Variants in MRPL30 observed in about 807,000 individuals in gnomAD.
MRPL30 encodes the protein large ribosomal subunit protein uL30m.
In MRPL30, 10 loss-of-function variants were observed where a neutral mutation model predicts 17.2. The observed-to-expected ratio is 0.58, with a 90% confidence interval of 0.36 to 0.99. MRPL30 has a LOEUF of 0.99. Ranked by LOEUF, MRPL30 falls within the 50% of genes least tolerant of loss-of-function variation. MRPL30 has a pLI of 0.01. For missense variants in MRPL30, 170 were observed against 189.8 expected (o/e 0.90, Z 0.61); for synonymous variants, 61 against 62.1 (o/e 0.98, Z 0.08).
intron 2 of MRPL30, 91 bp from the exon 3 acceptor site, chr2:99,188,086 T>G: frequency 1.1e-6 from 1 of 899,510 alleles, no homozygotes; most frequent in Non-Finnish European, 1.7e-6. Flanking sequence ...TAGGGTAGGT[T>G]GGAACAGACT....
At chr2:99,184,243 A>G (rs1275536710) in intron 1 of MRPL30, among the ~76,000 whole-genome samples, 1 of 152,158 alleles carries the variant, frequency 6.6e-6, no homozygotes, top group African/African-American at 2.4e-5. Context: ...TAGCATTACA[A>G]AGTGCTCCAG....
Position 99,195,846 on chromosome 2 carries a change from C to G in MRPL30, c.*141C>G. The G allele has an allele frequency of 8.1e-7, 1 of 1,239,320 alleles. No individual in the cohort carries two copies. The highest frequency in any genetic ancestry group is 1.1e-6 in the Non-Finnish European group (1 of 911,348). 76.8% of individuals were successfully genotyped at this position (1,239,320 alleles called of 1,614,324 possible). On this transcript the variant is annotated 3_prime_UTR_variant, in exon 6 of 6. Transcript: ENST00000338148. ...CCTGTAATCCCAGCACTTTGGGAGG[C>G]CAAGGCGGGCAGATCACCTGAGGTC...
rs1178462495 is a variant in MRPL30 at position 99,197,909 on chromosome 2, G to A, written c.*2204G>A. 6.6e-6 allele frequency among the ~76,000 whole-genome samples: 1 copy of A among 152,104 alleles called. No individual in the cohort carries two copies. The highest frequency in any genetic ancestry group is 1.5e-5 in the Non-Finnish European group (1 of 68,040). On this transcript the variant is annotated 3_prime_UTR_variant, in exon 6 of 6. Coordinates refer to ENST00000338148, the MANE Select transcript of MRPL30 (RefSeq NM_145212.4). ...TTCTCCTGCCTCAGCCTCCCAAAGT[G>A]CTGGGAATACAGGTGTGAGCCACCA...
At chr2:99,195,349 G>A (rs560389961) in intron 5 of MRPL30, 160 bp downstream of exon 5, 11 of 760,706 alleles carry the variant, frequency 1.4e-5, no homozygotes, top group African/African-American at 7.3e-5. Context: ...CATATTTATG[G>A]GGTACATAGT....
chr2:99,181,479 C>T (rs1054726855), intron 1 of MRPL30, among the ~76,000 whole-genome samples: 9 of 152,148 alleles, frequency 5.9e-5, no homozygotes, highest in Non-Finnish European at 1.3e-4. Flanking sequence ...TTTTTGTGCC[C>T]AGACTCTTGG....
In MRPL30 at chr2:99,195,704, A is replaced by G. The variant is rs1357844036; in HGVS notation, c.485A>G (p.Ter162=). 6.2e-7 allele frequency: 1 copy of G among 1,611,824 alleles called. No homozygotes were observed. ...KPVEQKAHES[*] ...GTGGAGCAGAAAGCACATGAGTCCT[A>G]ATGCCCCAGCAGCTTCCGATTGGAA... Residue 162 remains the stop codon, a stop_retained_variant, in exon 6 of 6, where the codon TAA becomes TGA. Transcript: ENST00000338148.
rs5832868 is a variant in MRPL30 at position 99,181,603 on chromosome 2, CTT to C, written c.-28+367_-28+368del. Among the ~76,000 whole-genome samples, 1,332 of 140,512 alleles carry C rather than the reference CTT, an allele frequency of 9.5e-3. 16 individuals are homozygous for C. The highest frequency in any genetic ancestry group is 0.028 in the African/African-American group (1,044 of 37,062). The allele number at this position is 140,512 out of a possible 152,430, so 92.2% of individuals were successfully genotyped here. A position where few individuals can be genotyped will look rare whatever the true frequency, so the allele number is the denominator to read the frequency against. On this transcript the variant is annotated intron_variant, in intron 1 of 5. Transcript: ENST00000338148. ...GGGTTGCCACTGGGTATTAAGGTTG[CTT>C]TTTTTTTTTTTTAATGAAGACAGAA... is the stretch of plus-strand genomic sequence containing the variant.
intron 3 of MRPL30, among the ~76,000 whole-genome samples, chr2:99,189,193 GA>G (rs2093939725): frequency 6.6e-6 from 1 of 152,138 alleles, no homozygotes; most frequent in South Asian, 2.1e-4. Flanking sequence ...TTCATGTTGT[GA>G]AGTTCTATGG....
chr2:99,182,018 T>TG (rs1266851129), intron 1 of MRPL30, among the ~76,000 whole-genome samples: 57 of 134,080 alleles, frequency 4.3e-4, no homozygotes, highest in Admixed American at 3.3e-3. Context: ...TATCGGTCGC[T>TG]GGGGGGGAGA....
rs560836963 is a variant in MRPL30 at position 99,185,795 on chromosome 2, G to T, written c.-27-382G>T. 1.1e-4 allele frequency: 50 copies of T among 451,036 alleles called. 1 individual carries two copies. Among genetic ancestry groups the T allele is most frequent in the South Asian group, 7.6e-4 (48 of 63,264 alleles). The allele number at this position is 451,036 out of a possible 1,614,324, so 27.9% of individuals were successfully genotyped here. ...TGATCCTCATTCATAAAGTAAGGAT[G>T]TGGGCAGTCAGTTCTAATTATAGGA... On this transcript the variant is annotated intron_variant, in intron 1 of 5. Transcript: ENST00000338148.
chr2:99,182,455 C>T (rs1467046781), intron 1 of MRPL30, among the ~76,000 whole-genome samples: 3 of 152,128 alleles, frequency 2.0e-5, no homozygotes, highest in Non-Finnish European at 4.4e-5. Flanking sequence ...CTGGGGAGGC[C>T]GAGGCAGGAG....
intron 2 of MRPL30, 139 bp downstream of exon 2, chr2:99,186,393 C>T (rs2093934155): frequency 8.3e-6 from 6 of 721,770 alleles, no homozygotes; most frequent in Middle Eastern, 3.3e-4. Flanking sequence ...AGTGCAGTGG[C>T]ACAATCTGGG....
At chr2:99,182,496 A>G (rs2093926161) in intron 1 of MRPL30, among the ~76,000 whole-genome samples, 1 of 152,254 alleles carries the variant, frequency 6.6e-6, no homozygotes, top group African/African-American at 2.4e-5. Context: ...CGGAGCTTGC[A>G]GTGAACCCAG....
At chr2:99,190,534 G>A (rs1275771930) in intron 3 of MRPL30, among the ~76,000 whole-genome samples, 1 of 152,146 alleles carries the variant, frequency 6.6e-6, no homozygotes, top group East Asian at 1.9e-4. Context: ...CTCCAGCCTG[G>A]GCAACAGAGT....
At chr2:99,183,001 G>A (rs370850522) in intron 1 of MRPL30, among the ~76,000 whole-genome samples, 80 of 152,282 alleles carry the variant, frequency 5.3e-4, no homozygotes, top group African/African-American at 1.7e-3. Context: ...TGGGGTATGG[G>A]TGAAAATGTT....
At position 99,195,788 on chromosome 2, in the gene MRPL30, CA is replaced by C; in HGVS notation, c.*87del. The C allele has an allele frequency of 1.9e-6, 3 of 1,594,280 alleles. No individual in the cohort carries two copies. The highest frequency in any genetic ancestry group is 2.6e-6 in the Non-Finnish European group (3 of 1,172,774). ...AAGTGTTTTCATTAAAATATGTTTTCAAAACCATTTTCAGGCCGGGCACGGT... is the reference window on the plus strand; with the variant it reads ...AAGTGTTTTCATTAAAATATGTTTTCAAACCATTTTCAGGCCGGGCACGGT... On this transcript the variant is annotated 3_prime_UTR_variant, in exon 6 of 6. Coordinates refer to ENST00000338148, the MANE Select transcript of MRPL30 (RefSeq NM_145212.4).
At chr2:99,190,377 T>C (rs1354839279) in intron 3 of MRPL30, among the ~76,000 whole-genome samples, 1 of 151,356 alleles carries the variant, frequency 6.6e-6, no homozygotes, top group Non-Finnish European at 1.5e-5. Flanking sequence ...CTGGGCAACA[T>C]AGTGAGACTC....
chr2:99,182,922 GATA>G (rs2093927762), intron 1 of MRPL30, among the ~76,000 whole-genome samples: 1 of 152,166 alleles, frequency 6.6e-6, no homozygotes, highest in African/African-American at 2.4e-5. Context: ...AAACCTAACA[GATA>G]ATTAAGTTAC....
intron 3 of MRPL30, among the ~76,000 whole-genome samples, chr2:99,189,966 A>AC (rs1241478382): frequency 3.3e-5 from 5 of 151,828 alleles, no homozygotes; most frequent in Admixed American, 6.6e-5. Context: ...TACCAAAAAA[A>AC]AAAAAAAAAT....
Sources: gnomAD v4.1 joint callset for allele counts (sites outside exome capture counted in the v4.1 genomes callset) on GRCh38, gnomAD v4.1.1 for gene constraint, MANE v1.5 for transcripts, NCBI Gene and HGNC (gene_info 2026-07-23, HGNC 2026-07-21) for gene names.